Variants in CLIC5 observed in about 807,000 individuals in gnomAD.
CLIC5 encodes the protein chloride intracellular channel protein 5.
Under a neutral mutation model 24.7 loss-of-function variants are expected in CLIC5, and 20 were observed. The observed-to-expected ratio is 0.81, with a 90% confidence interval of 0.57 to 1.18. The LOEUF (loss-of-function observed/expected upper bound fraction) is 1.18. Ranked by LOEUF, CLIC5 falls within the 50% of genes most tolerant of loss-of-function variation. CLIC5 has a pLI of 0.00. For synonymous variants in CLIC5, 159 were observed against 135.6 expected, an observed-to-expected ratio of 1.17 and a Z score of -1.20; for missense variants, 341 against 326.1, an observed-to-expected ratio of 1.05 and a Z score of -0.35.
intron 1 of CLIC5, among the ~76,000 whole-genome samples, chr6:46,069,809 T>A (rs1224211106): frequency 6.6e-6 from 1 of 152,114 alleles, no homozygotes; most frequent in Non-Finnish European, 1.5e-5. Flanking sequence ...TGAACATTAA[T>A]GCAAAAATCT....
At chr6:46,123,921 T>G in the CLIC5 span, among the ~76,000 whole-genome samples, 19 of 152,148 alleles carry the variant, frequency 1.2e-4, no homozygotes, top group South Asian at 1.2e-3. Flanking sequence ...CACTGCTCAA[T>G]GAAATAAAAG....
chr6:45,958,447 T>TACACACACACACACAC (rs1446493409), intron 1 of CLIC5, among the ~76,000 whole-genome samples: 125 of 72,202 alleles, frequency 1.7e-3, no homozygotes, highest in Middle Eastern at 7.0e-3. Context: ...TATATATATA[T>TACACACACACACACAC]ATATATATAT....
Position 45,901,715 on chromosome 6 carries a change from T to C in CLIC5, c.*1373A>G, listed in dbSNP as rs1302893230. 1 of 152,576 alleles carries C rather than the reference T, an allele frequency of 6.6e-6. No homozygotes were observed. The highest frequency in any genetic ancestry group is 1.5e-5 in the Non-Finnish European group (1 of 68,002). 9.5% of individuals were successfully genotyped at this position (152,576 alleles called of 1,614,324 possible). A position where few individuals can be genotyped will look rare whatever the true frequency, so the allele number is the denominator to read the frequency against. On this transcript the variant is annotated 3_prime_UTR_variant, in exon 6 of 6. Coordinates refer to ENST00000339561, the MANE Select transcript of CLIC5 (RefSeq NM_016929.5). Reference sequence around the variant, plus strand: ...CAGGCTGGGTAAGCTTTTTAGGAGATGAAACTTAAGGAGAATGACAAAAGA... The same window carrying C: ...CAGGCTGGGTAAGCTTTTTAGGAGACGAAACTTAAGGAGAATGACAAAAGA...
the CLIC5 span, among the ~76,000 whole-genome samples, chr6:46,109,980 C>G: frequency 6.6e-6 from 1 of 152,108 alleles, no homozygotes; most frequent in Non-Finnish European, 1.5e-5. Flanking sequence ...CCACCATAAT[C>G]TAAGCCCAGG....
chr6:45,920,681 C>T, intron 4 of CLIC5: 1 of 979,292 alleles, frequency 1.0e-6, no homozygotes, highest in Non-Finnish European at 1.2e-6. Flanking sequence ...CCTTTCTTTC[C>T]ACAGGCAGCT....
chr6:45,944,469 C>T (rs914920870), intron 3 of CLIC5, among the ~76,000 whole-genome samples: 5 of 150,514 alleles, frequency 3.3e-5, no homozygotes, highest in Admixed American at 2.0e-4. Context: ...AAATTTCTCT[C>T]CACCCGGTTT....
intron 6 of CLIC5, among the ~76,000 whole-genome samples, chr6:45,891,954 A>G (rs774757066): frequency 6.6e-6 from 1 of 152,258 alleles, no homozygotes; most frequent in African/African-American, 2.4e-5. Flanking sequence ...AGTGTCTCCA[A>G]GATACATTGT....
In CLIC5 at chr6:45,954,191, T is replaced by C. The variant is rs936924870; in HGVS notation, c.173+944A>G. 3.9e-4 allele frequency among the ~76,000 whole-genome samples: 56 copies of C among 145,112 alleles called. 1 individual carries two copies. Among genetic ancestry groups the C allele is most frequent in the African/African-American group, 1.2e-3 (46 of 38,874 alleles). On this transcript the variant is annotated intron_variant, in intron 2 of 5. Coordinates refer to ENST00000339561, the MANE Select transcript of CLIC5 (RefSeq NM_016929.5). ...CGGGAGGCTGAGGCAGAGAATTGCT[T>C]AAACCCAGGAGGCAGAGGTTGCAGT...
At position 46,077,580 on chromosome 6, in the gene CLIC5, T is replaced by C. The variant is rs571650301; in HGVS notation, c.540+2123A>G. Among the ~76,000 whole-genome samples the C allele has an allele frequency of 2.6e-5, 4 of 152,056 alleles. No individual in the cohort carries two copies. In the South Asian group the frequency reaches 6.2e-4, roughly 24 times the overall value. ...TTATATATTCTACTTCCATTCAACA[T>C]TGGGTAAGGAACTTCAGTGAAGATA... On this transcript the variant is annotated intron_variant, in intron 1 of 5. Coordinates refer to the CLIC5 transcript ENST00000185206.
At chr6:46,000,206 G>A (rs927160267) in intron 1 of CLIC5, among the ~76,000 whole-genome samples, 1 of 152,160 alleles carries the variant, frequency 6.6e-6, no homozygotes, top group Non-Finnish European at 1.5e-5. Context: ...AAGATTTTAG[G>A]AAGTCAAAAG....
chr6:45,961,867 T>C (rs1341808412), intron 1 of CLIC5, among the ~76,000 whole-genome samples: 2 of 152,126 alleles, frequency 1.3e-5, no homozygotes, highest in African/African-American at 2.4e-5. Context: ...CAGGTATACA[T>C]TTGAGGCTAC....
At chr6:46,030,612 C>T (rs1301655461) in intron 1 of CLIC5, among the ~76,000 whole-genome samples, 1 of 152,148 alleles carries the variant, frequency 6.6e-6, no homozygotes, top group Non-Finnish European at 1.5e-5. Context: ...CTGTGTTCTT[C>T]CCATCAGTCC....
At chr6:45,969,700 T>G (rs1233918074) in intron 1 of CLIC5, among the ~76,000 whole-genome samples, 1 of 152,160 alleles carries the variant, frequency 6.6e-6, no homozygotes, top group African/African-American at 2.4e-5. Flanking sequence ...CTTGCTTATC[T>G]TTCATTTTAT....
chr6:45,929,609 A>T (rs1416280237), intron 4 of CLIC5, among the ~76,000 whole-genome samples: 5 of 152,222 alleles, frequency 3.3e-5, no homozygotes, highest in African/African-American at 1.2e-4. Context: ...TGGCTGCTTT[A>T]TGAGGAAGTG....
At chr6:45,986,417 G>A (rs1287152977) in intron 1 of CLIC5, among the ~76,000 whole-genome samples, 1 of 152,192 alleles carries the variant, frequency 6.6e-6, no homozygotes, top group Non-Finnish European at 1.5e-5. Context: ...CCTCAGGCAG[G>A]TAAAAATCCT....
intron 4 of CLIC5, among the ~76,000 whole-genome samples, chr6:45,937,800 G>A (rs899306612): frequency 9.9e-5 from 15 of 152,172 alleles, no homozygotes; most frequent in African/African-American, 2.9e-4. Flanking sequence ...ATGGGGTCTC[G>A]GTTGTGGTAG....
At chr6:45,974,004 G>C (rs904434594) in intron 1 of CLIC5, among the ~76,000 whole-genome samples, 3 of 151,810 alleles carry the variant, frequency 2.0e-5, no homozygotes, top group Non-Finnish European at 4.4e-5. Context: ...CTATTTAAAA[G>C]CATGAGTTTG....
intron 4 of CLIC5, among the ~76,000 whole-genome samples, chr6:45,927,079 G>A (rs1413799720): frequency 2.0e-5 from 3 of 152,170 alleles, no homozygotes; most frequent in Non-Finnish European, 2.9e-5. Context: ...GCTGGAGGAC[G>A]TGCCCGTGGC....
chr6:46,124,109 G>T, the CLIC5 span, among the ~76,000 whole-genome samples: 1 of 152,162 alleles, frequency 6.6e-6, no homozygotes, highest in Admixed American at 6.5e-5. Context: ...AACCAAAAAA[G>T]AGCCCACATT....
Sources: allele counts gnomAD v4.1 joint callset (sites outside exome capture counted in the v4.1 genomes callset), GRCh38; gene constraint gnomAD v4.1.1; transcripts MANE v1.5; gene names NCBI Gene and HGNC (gene_info 2026-07-23, HGNC 2026-07-21).